Variants in ELOVL6 observed in about 807,000 individuals in gnomAD.
The protein encoded by ELOVL6 is ELOVL fatty acid elongase 6, also known as very long chain fatty acid elongase 6.
A neutral mutation model predicts 31.7 loss-of-function variants in ELOVL6; 8 were observed. The observed-to-expected ratio is 0.25, with a 90% CI of 0.15 to 0.45. The LOEUF (loss-of-function observed/expected upper bound fraction) is 0.45, where lower values mean the gene tolerates loss of function less well. ELOVL6 is among the 20% of genes least tolerant of loss of function. The probability of loss-of-function intolerance (pLI) is 1.00; values close to 1 mark genes in which losing one functional copy is unlikely to be tolerated. For missense variants in ELOVL6, 126 were observed against 326.4 expected (o/e 0.39, Z 4.73); for synonymous variants, 101 against 117.7 (o/e 0.86, Z 0.92).
intron 2 of ELOVL6, among the ~76,000 whole-genome samples, chr4:110,075,761 TCAC>T (rs1236015647): frequency 2.0e-5 from 3 of 152,164 alleles, no homozygotes; most frequent in African/African-American, 7.2e-5. Context: ...TATCCATTTT[TCAC>T]CACCACCACC....
At chr4:110,091,208 G>A (rs1756419836) in intron 2 of ELOVL6, among the ~76,000 whole-genome samples, 1 of 152,100 alleles carries the variant, frequency 6.6e-6, no homozygotes, top group South Asian at 2.1e-4. Context: ...TATTCTAGAG[G>A]TGTCAATTAG....
At chr4:110,184,120 G>A (rs2126278897) in intron 1 of ELOVL6, among the ~76,000 whole-genome samples, 1 of 152,260 alleles carries the variant, frequency 6.6e-6, no homozygotes, top group Admixed American at 6.5e-5. Flanking sequence ...CATGTTAAAT[G>A]CCTATGTTTT....
chr4:110,141,140 C>T (rs868414181), intron 1 of ELOVL6, among the ~76,000 whole-genome samples: 3 of 152,088 alleles, frequency 2.0e-5, no homozygotes, highest in African/African-American at 2.4e-5. Flanking sequence ...CTCAGCTCAC[C>T]GCAACCTCTG....
chr4:110,084,553 C>CAGATATAT (rs1560815725), intron 2 of ELOVL6, among the ~76,000 whole-genome samples: 3 of 57,934 alleles, frequency 5.2e-5, no homozygotes. Flanking sequence ...CACACACACA[C>CAGATATAT]ACACACACAG....
At chr4:110,192,763 A>AT (rs1366303569) in intron 1 of ELOVL6, among the ~76,000 whole-genome samples, 2 of 152,142 alleles carry the variant, frequency 1.3e-5, no homozygotes, top group Non-Finnish European at 2.9e-5. Context: ...TTCTCTATGT[A>AT]TTTTCTCATT....
Position 110,051,061 on chromosome 4 carries a change from G to T in ELOVL6, c.*277C>A. The T allele has an allele frequency of 2.5e-6, 1 of 399,886 alleles. No homozygotes were observed. Among genetic ancestry groups the T allele is most frequent in the Non-Finnish European group, 4.5e-6 (1 of 220,634 alleles). The allele number at this position is 399,886 out of a possible 1,614,324, so 24.8% of individuals were successfully genotyped here. A position where few individuals can be genotyped will look rare whatever the true frequency, so the allele number is the denominator to read the frequency against. ...TCTCCTCTGCTTCTGGCTTGCTTTT[G>T]TTCTCCCTTGTCCTAGAGTTGATAG... On this transcript the variant is annotated 3_prime_UTR_variant, in exon 4 of 4. Coordinates refer to ENST00000302274, the MANE Select transcript of ELOVL6 (RefSeq NM_024090.3). This position sits in a 1 kb window ranked among gnomAD's most constrained non-coding sequence, Gnocchi z 4.8.
chr4:110,158,657 A>ATATATATATATATTTTTT, intron 1 of ELOVL6, among the ~76,000 whole-genome samples: 9 of 74,158 alleles, frequency 1.2e-4, no homozygotes, highest in South Asian at 4.2e-4. Flanking sequence ...ATATATATAT[A>ATATATATATATATTTTTT]TTTTTTTTTT....
At chr4:110,065,298 T>A (rs1755267417) in intron 2 of ELOVL6, among the ~76,000 whole-genome samples, 1 of 152,158 alleles carries the variant, frequency 6.6e-6, no homozygotes, top group South Asian at 2.1e-4. Flanking sequence ...TTTTTAAAGA[T>A]GTATAAGAGA....
At chr4:110,074,868 G>A (rs1755587540) in intron 2 of ELOVL6, among the ~76,000 whole-genome samples, 1 of 152,148 alleles carries the variant, frequency 6.6e-6, no homozygotes, top group Non-Finnish European at 1.5e-5. Flanking sequence ...ATCCTCAAGT[G>A]TGCCCTGTTC....
rs140593620 is a variant in ELOVL6 at position 110,169,238 on chromosome 4, G to GTTTTTTT, written c.89+29008_89+29009insAAAAAAA. On this transcript the variant is annotated intron_variant, in intron 1 of 3. Transcript: ENST00000302274. ...CCCCAACAGAGTTTTGGGGTTTTTT[G>GTTTTTTT]TTTTGTTTTTTTTTTTTTGAGACGG... Among the ~76,000 whole-genome samples the GTTTTTTT allele has an allele frequency of 3.7e-5, 5 of 136,730 alleles. 1 individual carries two copies. Among genetic ancestry groups the GTTTTTTT allele is most frequent in the Non-Finnish European group, 3.1e-5 (2 of 64,676 alleles). 89.7% of individuals were successfully genotyped at this position (136,730 alleles called of 152,430 possible). A position where few individuals can be genotyped will look rare whatever the true frequency, so the allele number is the denominator to read the frequency against.
intron 1 of ELOVL6, among the ~76,000 whole-genome samples, chr4:110,186,459 T>G (rs1291011442): frequency 6.6e-6 from 1 of 152,036 alleles, no homozygotes; most frequent in Non-Finnish European, 1.5e-5. Context: ...CTCTACATTC[T>G]GAATGTTGGG....
rs531494721 is a variant in ELOVL6, at chr4:110,195,274, C to T, written c.89+2973G>A. Among the ~76,000 whole-genome samples the T allele has an allele frequency of 5.3e-5, 8 of 152,186 alleles. No homozygotes were observed. The East Asian group carries it at 1.4e-3, about 26-fold the overall frequency. On this transcript the variant is annotated intron_variant, in intron 1 of 3. Coordinates refer to ENST00000302274, the MANE Select transcript of ELOVL6 (RefSeq NM_024090.3). Reference sequence around the variant, plus strand: ...CTGGGATTACAGGCACCCGCCACCACGCTCGGCTAATTTTTTTGTATTTTT... The same window carrying T: ...CTGGGATTACAGGCACCCGCCACCATGCTCGGCTAATTTTTTTGTATTTTT...
At chr4:110,168,509 A>T (rs1758846087) in intron 1 of ELOVL6, among the ~76,000 whole-genome samples, 2 of 151,932 alleles carry the variant, frequency 1.3e-5, no homozygotes, top group South Asian at 4.2e-4. Context: ...ACAGAGCAAG[A>T]CTGTCTAAAA....
chr4:110,172,471 C>T (rs142373570), intron 1 of ELOVL6, among the ~76,000 whole-genome samples: 171 of 152,148 alleles, frequency 1.1e-3, no homozygotes, highest in African/African-American at 3.7e-3. Context: ...TTCAGTACCC[C>T]CAGCAACTTT....
intron 2 of ELOVL6, among the ~76,000 whole-genome samples, chr4:110,084,584 A>ATTT (rs1756181593): frequency 7.3e-5 from 4 of 54,890 alleles, no homozygotes; most frequent in African/African-American, 5.6e-4. Flanking sequence ...ATATATATAT[A>ATTT]TATATTTTTT....
At chr4:110,148,736 C>A (rs1009401910) in intron 1 of ELOVL6, among the ~76,000 whole-genome samples, 11 of 128,826 alleles carry the variant, frequency 8.5e-5, no homozygotes, top group African/African-American at 3.0e-4. Flanking sequence ...CAAAACATCT[C>A]ATGTACCCCA....
rs1756032711 is a variant in ELOVL6 at position 110,084,095 on chromosome 4, T to TATGCC, written c.221+21401_221+21402insGGCAT. ...TATATGCTATATATGATATATAACATATATATGATATATATGATATATATA... is the reference window on the plus strand; with the variant it reads ...TATATGCTATATATGATATATAACATATGCCATATATGATATATATGATATATATA... On this transcript the variant is annotated intron_variant, in intron 2 of 3. Coordinates refer to ENST00000302274, the MANE Select transcript of ELOVL6 (RefSeq NM_024090.3). 7.3e-5 allele frequency among the ~76,000 whole-genome samples: 6 copies of TATGCC among 82,264 alleles called. 1 individual carries two copies. The highest frequency in any genetic ancestry group is 6.5e-4 in the South Asian group (2 of 3,076). 54.0% of individuals were successfully genotyped at this position (82,264 alleles called of 152,430 possible).
At chr4:110,052,813 T>C (rs17041284) in intron 3 of ELOVL6, among the ~76,000 whole-genome samples, 7,114 of 152,348 alleles carry the variant, frequency 0.047, 214 homozygotes, top group South Asian at 0.13. Context: ...AACAGGCTAA[T>C]GCAGGTGAAT....
At chr4:110,139,842 G>A (rs6815773) in intron 1 of ELOVL6, among the ~76,000 whole-genome samples, 43,183 of 152,020 alleles carry the variant, frequency 0.28, 6,662 homozygotes, top group East Asian at 0.51. Context: ...CCACTTGGTT[G>A]TAAATTATTT....
Sources: allele counts gnomAD v4.1 joint callset (sites outside exome capture counted in the v4.1 genomes callset), GRCh38; gene constraint gnomAD v4.1.1; non-coding constraint Gnocchi (gnomAD v3.1); transcripts MANE v1.5; gene names NCBI Gene and HGNC (gene_info 2026-07-23, HGNC 2026-07-21).